Variants in SYN3 observed in about 807,000 individuals in gnomAD.
SYN3 encodes the protein synapsin-3.
In SYN3, 35 loss-of-function variants were observed where a neutral mutation model predicts 65.8. The observed-to-expected ratio is 0.53, with a 90% CI of 0.41 to 0.70. SYN3 has a LOEUF of 0.70. Ranked by LOEUF, SYN3 falls within the 30% of genes least tolerant of loss-of-function variation. The pLI is 0.00. For missense variants in SYN3, 680 were observed against 749.0 expected (o/e 0.91, Z 1.08); for synonymous variants, 270 against 292.9 (o/e 0.92, Z 0.80).
intron 1 of SYN3, among the ~76,000 whole-genome samples, chr22:33,008,199 AG>A (rs914933647): frequency 3.3e-5 from 5 of 152,382 alleles, no homozygotes; most frequent in South Asian, 2.1e-4. Context: ...GGCCTCCCAA[AG>A]TGCTGGGATC....
chr22:32,636,345 T>C (rs2059815129), intron 6 of SYN3, among the ~76,000 whole-genome samples: 1 of 145,270 alleles, frequency 6.9e-6, no homozygotes, highest in African/African-American at 2.6e-5. Flanking sequence ...GAGCTTGCAG[T>C]GAGCCGAGAT....
Position 32,722,228 on chromosome 22 carries a change from C to A in SYN3, c.712-125492G>T, listed in dbSNP as rs567459410. 3.3e-5 allele frequency among the ~76,000 whole-genome samples: 5 copies of A among 152,242 alleles called. No individual in the cohort carries two copies. The South Asian group carries it at 1.0e-3, about 32-fold the overall frequency. ...GGTTGTGTCAAGGGGAGGCAGGGGA[C>A]AACGTACCCACAGGGTGGTGAGTTG... is the stretch of plus-strand genomic sequence containing the variant. On this transcript the variant is annotated intron_variant, in intron 6 of 13. Transcript: ENST00000358763.
chr22:32,724,235 G>A (rs1303731901), intron 6 of SYN3, among the ~76,000 whole-genome samples: 1 of 143,206 alleles, frequency 7.0e-6, no homozygotes, highest in Non-Finnish European at 1.5e-5. Flanking sequence ...CCAATATAGG[G>A]TACTTTTCTG....
At chr22:32,882,650 C>T (rs1459865145) in intron 4 of SYN3, among the ~76,000 whole-genome samples, 1 of 152,128 alleles carries the variant, frequency 6.6e-6, no homozygotes, top group African/African-American at 2.4e-5. Flanking sequence ...GTGTCTTAAC[C>T]ACCTTAGTTT....
At chr22:32,937,172 T>C (rs1230104886) in intron 3 of SYN3, among the ~76,000 whole-genome samples, 1 of 151,844 alleles carries the variant, frequency 6.6e-6, no homozygotes, top group Non-Finnish European at 1.5e-5. Flanking sequence ...AATGGAGAGA[T>C]GATGGGAAGA....
chr22:32,732,105 T>A (rs889599515), intron 6 of SYN3, among the ~76,000 whole-genome samples: 5 of 152,244 alleles, frequency 3.3e-5, no homozygotes, highest in Non-Finnish European at 5.9e-5. Flanking sequence ...TAAGTCCCTG[T>A]AGAGATGCAA....
chr22:33,009,070 T>C (rs2053281691), intron 1 of SYN3, among the ~76,000 whole-genome samples: 1 of 151,542 alleles, frequency 6.6e-6, no homozygotes, highest in Admixed American at 6.6e-5. Context: ...TTAAGTCTTT[T>C]TGTGGGGCTA....
chr22:32,851,946 G>A (rs955633068), intron 6 of SYN3, among the ~76,000 whole-genome samples: 5 of 152,102 alleles, frequency 3.3e-5, no homozygotes, highest in South Asian at 2.1e-4. Flanking sequence ...CCATCCTCTC[G>A]TGCTTCCTTC....
At chr22:32,676,524 C>A (rs1291198004) in intron 6 of SYN3, among the ~76,000 whole-genome samples, 28 of 108,594 alleles carry the variant, frequency 2.6e-4, no homozygotes, top group African/African-American at 9.1e-4. Flanking sequence ...CTTTTCTTTT[C>A]TTTCTTTTTT....
At chr22:33,023,980 G>A (rs368350291) in intron 1 of SYN3, among the ~76,000 whole-genome samples, 1 of 152,090 alleles carries the variant, frequency 6.6e-6, no homozygotes, top group Admixed American at 6.6e-5. Context: ...TAGAACGCTG[G>A]CCTCTCTGGG....
At chr22:32,687,185 C>T (rs1001412572) in intron 6 of SYN3, among the ~76,000 whole-genome samples, 14 of 65,474 alleles carry the variant, frequency 2.1e-4, no homozygotes, top group South Asian at 1.5e-3. Context: ...TTTTCTGAGA[C>T]GGAATTCTCG....
At chr22:32,761,633 G>A (rs2045483266) in intron 6 of SYN3, among the ~76,000 whole-genome samples, 2 of 152,212 alleles carry the variant, frequency 1.3e-5, no homozygotes, top group Non-Finnish European at 2.9e-5. Context: ...CCAGAATGCA[G>A]TATAGTCCCA....
chr22:33,044,938 G>C (rs1044708787), intron 1 of SYN3, among the ~76,000 whole-genome samples: 3 of 151,598 alleles, frequency 2.0e-5, no homozygotes, highest in Admixed American at 6.6e-5. Flanking sequence ...TGCCTCCCGG[G>C]TTCAAGCGAC....
chr22:33,053,647 TTC>T (rs1187233011), intron 1 of SYN3, among the ~76,000 whole-genome samples: 1 of 152,196 alleles, frequency 6.6e-6, no homozygotes, highest in Non-Finnish European at 1.5e-5. Flanking sequence ...TGGTGGATTA[TTC>T]TCTTTCTTGG....
At chr22:32,826,606 A>G (rs1253212772) in intron 6 of SYN3, among the ~76,000 whole-genome samples, 1 of 152,204 alleles carries the variant, frequency 6.6e-6, no homozygotes, top group Non-Finnish European at 1.5e-5. Flanking sequence ...ACACTTTAAA[A>G]GAAAGAAAGA....
At chr22:32,997,745 G>A (rs1003897800) in intron 2 of SYN3, among the ~76,000 whole-genome samples, 1 of 152,010 alleles carries the variant, frequency 6.6e-6, no homozygotes, top group Non-Finnish European at 1.5e-5. Flanking sequence ...GAATGCCACC[G>A]GCCGGGCGCG....
At chr22:32,685,990 A>G (rs2060583653) in intron 6 of SYN3, among the ~76,000 whole-genome samples, 2 of 152,188 alleles carry the variant, frequency 1.3e-5, no homozygotes, top group African/African-American at 2.4e-5. Flanking sequence ...CACATTTAAT[A>G]TGATCCCAAT....
At chr22:33,019,105 C>T (rs1601915307) in intron 1 of SYN3, among the ~76,000 whole-genome samples, 1 of 152,306 alleles carries the variant, frequency 6.6e-6, no homozygotes, top group Non-Finnish European at 1.5e-5. Context: ...AACTACAACC[C>T]TAACCAGAGG....
chr22:32,627,290 C>T (rs745788989), intron 6 of SYN3, among the ~76,000 whole-genome samples: 1 of 152,042 alleles, frequency 6.6e-6, no homozygotes, highest in Non-Finnish European at 1.5e-5. Context: ...CAAGGAGGGG[C>T]CAGAGTCCAT....
Sources: allele counts gnomAD v4.1 joint callset (sites outside exome capture counted in the v4.1 genomes callset), GRCh38; gene constraint gnomAD v4.1.1; transcripts MANE v1.5; gene names NCBI Gene and HGNC (gene_info 2026-07-23, HGNC 2026-07-21).